MARCHF8: variants seen among roughly 807,000 people sequenced by gnomAD.
MARCHF8 encodes membrane associated ring-CH-type finger 8.
Under a neutral mutation model 51.6 loss-of-function variants are expected in MARCHF8, and 40 were observed. The observed-to-expected ratio is 0.77, with a 90% CI of 0.60 to 1.01. The LOEUF is 1.01. Ranked by LOEUF, MARCHF8 falls within the 50% of genes least tolerant of loss-of-function variation. The pLI, the probability that MARCHF8 is intolerant of heterozygous loss-of-function variation, is 0.00. For synonymous variants in MARCHF8, 263 were observed against 280.3 expected (o/e 0.94, Z 0.62); for missense variants, 685 against 708.6 (o/e 0.97, Z 0.38).
At chr10:45,523,849 A>G (rs910903673) in intron 2 of MARCHF8, among the ~76,000 whole-genome samples, 1 of 152,196 alleles carries the variant, frequency 6.6e-6, no homozygotes, top group Non-Finnish European at 1.5e-5. Context: ...GCAAACTCTC[A>G]CTAGACCAAC....
intron 3 of MARCHF8, among the ~76,000 whole-genome samples, chr10:45,465,624 G>A (rs754829713): frequency 1.3e-5 from 2 of 152,172 alleles, no homozygotes; most frequent in Non-Finnish European, 1.5e-5. Context: ...GATGGCACTC[G>A]GATTAAGGCA....
At chr10:45,512,535 C>A (rs1301306218) in intron 2 of MARCHF8, among the ~76,000 whole-genome samples, 2 of 149,982 alleles carry the variant, frequency 1.3e-5, no homozygotes, top group African/African-American at 4.9e-5. Flanking sequence ...CGCCTCTGCC[C>A]GGCCGCTCCT....
chr10:45,470,611 G>A (rs769451177), intron 3 of MARCHF8, among the ~76,000 whole-genome samples: 7 of 152,118 alleles, frequency 4.6e-5, no homozygotes, highest in Non-Finnish European at 1.0e-4. Context: ...AGGCAATTGT[G>A]GGGACATTTT....
At chr10:45,542,119 G>A (rs2044061521) in intron 1 of MARCHF8, among the ~76,000 whole-genome samples, 1 of 152,142 alleles carries the variant, frequency 6.6e-6, no homozygotes, top group South Asian at 2.1e-4. Context: ...GCTGAGGCAG[G>A]CAGATCACGA....
intron 1 of MARCHF8, among the ~76,000 whole-genome samples, chr10:45,546,128 T>G (rs1217723257): frequency 6.7e-5 from 10 of 150,226 alleles, no homozygotes; most frequent in African/African-American, 2.5e-4. Flanking sequence ...AATATAAAAA[T>G]GAGCTGAATT....
intron 3 of MARCHF8, among the ~76,000 whole-genome samples, chr10:45,476,263 G>A (rs1422867528): frequency 6.6e-6 from 1 of 152,112 alleles, no homozygotes; most frequent in African/African-American, 2.4e-5. Flanking sequence ...TCAAAATAAT[G>A]ATATTAAAAC....
chr10:45,586,686 CT>C, intron 1 of MARCHF8, among the ~76,000 whole-genome samples: 1 of 152,168 alleles, frequency 6.6e-6, no homozygotes, highest in Middle Eastern at 3.4e-3. Flanking sequence ...CAAAAAGTTG[CT>C]CATAATTTCC....
chr10:45,469,118 T>C (rs993875634), intron 3 of MARCHF8, among the ~76,000 whole-genome samples: 3 of 150,738 alleles, frequency 2.0e-5, no homozygotes, highest in African/African-American at 7.3e-5. Context: ...ATTAAAAAAA[T>C]GGGAAAAGTT....
intron 2 of MARCHF8, among the ~76,000 whole-genome samples, chr10:45,517,780 C>A (rs1048691050): frequency 2.0e-5 from 3 of 152,228 alleles, no homozygotes; most frequent in African/African-American, 7.2e-5. Context: ...GTGCCCTTCA[C>A]ATTTTCTTGT....
At chr10:45,507,640 C>T (rs1380476450) in intron 2 of MARCHF8, among the ~76,000 whole-genome samples, 1 of 152,064 alleles carries the variant, frequency 6.6e-6, no homozygotes. Context: ...GACCCAAACC[C>T]CTCTCAGAAG....
At chr10:45,585,086 C>T (rs965451976) in intron 1 of MARCHF8, among the ~76,000 whole-genome samples, 3 of 152,186 alleles carry the variant, frequency 2.0e-5, no homozygotes, top group African/African-American at 7.2e-5. Context: ...AAGCCTACTG[C>T]ATTTCTGACC....
chr10:45,528,452 G>C (rs2133260945), intron 2 of MARCHF8, among the ~76,000 whole-genome samples: 1 of 151,332 alleles, frequency 6.6e-6, no homozygotes, highest in South Asian at 2.1e-4. Context: ...CTTTTGTTTA[G>C]TTGGGGTTTG....
intron 3 of MARCHF8, 150 bp from the exon 4 acceptor site, chr10:45,464,477 GGC>G (rs1419724060): frequency 1.5e-6 from 1 of 647,004 alleles, no homozygotes; most frequent in African/African-American, 1.8e-5. Flanking sequence ...TCTAAGCCTT[GGC>G]AAAACAAATC....
At chr10:45,462,541 C>T (rs562305972) in intron 5 of MARCHF8, among the ~76,000 whole-genome samples, 32 of 152,046 alleles carry the variant, frequency 2.1e-4, no homozygotes, top group African/African-American at 5.3e-4. Flanking sequence ...CTTCCAGTTT[C>T]TTTATGCAAA....
chr10:45,466,121 C>A (rs920643864), intron 3 of MARCHF8, among the ~76,000 whole-genome samples: 3 of 152,202 alleles, frequency 2.0e-5, no homozygotes, highest in African/African-American at 7.2e-5. Flanking sequence ...CCATCACTGG[C>A]TCCACCTGCC....
chr10:45,482,766 A>AAAC (rs998098689), intron 3 of MARCHF8, among the ~76,000 whole-genome samples: 4 of 151,478 alleles, frequency 2.6e-5, no homozygotes, highest in African/African-American at 9.6e-5. Flanking sequence ...AAAAACAAAC[A>AAAC]AACAACAACA....
intron 2 of MARCHF8, among the ~76,000 whole-genome samples, chr10:45,523,538 A>C (rs2043743848): frequency 6.6e-6 from 1 of 152,218 alleles, no homozygotes; most frequent in Non-Finnish European, 1.5e-5. Flanking sequence ...ATAAATAAAA[A>C]CAAAGAGTGA....
chr10:45,576,584 A>G (rs1432633473), intron 1 of MARCHF8, among the ~76,000 whole-genome samples: 3 of 152,092 alleles, frequency 2.0e-5, no homozygotes, highest in Non-Finnish European at 4.4e-5. Context: ...GTGTATACAT[A>G]GATGTTGCTA....
At chr10:45,540,553 C>A (rs2044038268) in intron 1 of MARCHF8, among the ~76,000 whole-genome samples, 1 of 152,018 alleles carries the variant, frequency 6.6e-6, no homozygotes. Context: ...GCAACAAAAG[C>A]CAAAATTGAC....
Sources: gnomAD v4.1 joint callset for allele counts (sites outside exome capture counted in the v4.1 genomes callset) on GRCh38, gnomAD v4.1.1 for gene constraint, MANE v1.5 for transcripts, NCBI Gene and HGNC (gene_info 2026-07-23, HGNC 2026-07-21) for gene names.